Variants in LRRC4C observed in about 807,000 individuals in gnomAD.
The protein encoded by LRRC4C is leucine rich repeat containing 4C.
LRRC4C carries 5 observed loss-of-function variants against 33.6 expected under a neutral mutation model. The observed-to-expected ratio is 0.15, with a 90% CI of 0.08 to 0.31. The LOEUF is 0.31. Ranked by LOEUF, LRRC4C falls within the 10% of genes least tolerant of loss-of-function variation. The pLI is 1.00. For synonymous variants in LRRC4C, 329 were observed against 302.0 expected, an observed-to-expected ratio of 1.09 and a Z score of -0.93; for missense variants, 560 against 796.7, an observed-to-expected ratio of 0.70 and a Z score of 3.58.
chr11:40,160,916 G>A (rs56870191), intron 5 of LRRC4C, among the ~76,000 whole-genome samples: 5 of 152,280 alleles, frequency 3.3e-5, no homozygotes, highest in Non-Finnish European at 7.4e-5. Flanking sequence ...AACCAGCCAC[G>A]TCCATGCCTC....
chr11:40,602,226 A>T (rs1156314459), intron 3 of LRRC4C, among the ~76,000 whole-genome samples: 1 of 149,726 alleles, frequency 6.7e-6, no homozygotes, highest in Non-Finnish European at 1.5e-5. Context: ...AAAAAGAGGT[A>T]TGTGAACTAA....
intron 1 of LRRC4C, among the ~76,000 whole-genome samples, chr11:41,078,543 A>G (rs995795928): frequency 6.6e-6 from 1 of 152,192 alleles, no homozygotes; most frequent in African/African-American, 2.4e-5. Context: ...AGGTCTCACA[A>G]TGGCAGGGCA....
At chr11:40,869,668 C>T in intron 2 of LRRC4C, among the ~76,000 whole-genome samples, 1 of 152,214 alleles carries the variant, frequency 6.6e-6, no homozygotes. Context: ...TGCTCACCTC[C>T]CACACACTAG....
intron 3 of LRRC4C, among the ~76,000 whole-genome samples, chr11:40,487,646 A>G (rs1157603658): frequency 6.6e-6 from 1 of 152,070 alleles, no homozygotes; most frequent in Non-Finnish European, 1.5e-5. Context: ...TAATTGTGAG[A>G]AGTGGATTTC....
chr11:40,608,169 G>A (rs1053407301), intron 3 of LRRC4C, among the ~76,000 whole-genome samples: 2 of 152,078 alleles, frequency 1.3e-5, no homozygotes, highest in South Asian at 4.1e-4. Context: ...AAAAATAAAA[G>A]AATACACATT....
intron 3 of LRRC4C, among the ~76,000 whole-genome samples, chr11:40,588,848 G>T (rs1335764250): frequency 6.6e-6 from 1 of 150,818 alleles, no homozygotes; most frequent in Non-Finnish European, 1.5e-5. Flanking sequence ...GAGATAGTTT[G>T]TTATAGTTTC....
intron 1 of LRRC4C, among the ~76,000 whole-genome samples, chr11:41,208,080 C>A (rs939270483): frequency 2.0e-5 from 3 of 152,032 alleles, no homozygotes; most frequent in Non-Finnish European, 4.4e-5. Context: ...ACATGTATCA[C>A]TAGGAACAGA....
chr11:40,122,967 A>ACACACC (rs1460812833), intron 6 of LRRC4C, among the ~76,000 whole-genome samples: 13 of 139,078 alleles, frequency 9.3e-5, no homozygotes, highest in African/African-American at 2.8e-4. Context: ...ACACACACAC[A>ACACACC]CACACACACA....
intron 6 of LRRC4C, among the ~76,000 whole-genome samples, chr11:40,133,560 T>C (rs1011169935): frequency 6.6e-6 from 1 of 152,220 alleles, no homozygotes; most frequent in Non-Finnish European, 1.5e-5. Context: ...ATTCTAAGTA[T>C]ATTCTCTAAC....
intron 3 of LRRC4C, among the ~76,000 whole-genome samples, chr11:40,420,756 A>G (rs1256490689): frequency 6.6e-6 from 1 of 152,222 alleles, no homozygotes; most frequent in African/African-American, 2.4e-5. Flanking sequence ...TGTTGGAGCC[A>G]GAATTTTGAG....
At chr11:40,254,286 G>A (rs143432254) in intron 4 of LRRC4C, among the ~76,000 whole-genome samples, 315 of 152,318 alleles carry the variant, frequency 2.1e-3, no homozygotes, top group African/African-American at 7.3e-3. Flanking sequence ...TAAAATGAGT[G>A]CTTAAAAGTA....
chr11:40,787,258 A>T (rs1182710014), intron 2 of LRRC4C, among the ~76,000 whole-genome samples: 1 of 146,988 alleles, frequency 6.8e-6, no homozygotes, highest in Non-Finnish European at 1.5e-5. Flanking sequence ...GTTAATTGCC[A>T]ACTGGGGGGG....
chr11:40,341,557 G>C (rs1946867577), intron 3 of LRRC4C, among the ~76,000 whole-genome samples: 1 of 151,956 alleles, frequency 6.6e-6, no homozygotes, highest in South Asian at 2.1e-4. Flanking sequence ...GGGAGGGGGA[G>C]GGATAGCATT....
At chr11:41,397,300 T>C (rs919088358) in intron 1 of LRRC4C, among the ~76,000 whole-genome samples, 1 of 152,034 alleles carries the variant, frequency 6.6e-6, no homozygotes. Flanking sequence ...TTGCCACCAC[T>C]GAAACATCAA....
At chr11:40,152,501 C>G (rs1018937213) in intron 5 of LRRC4C, among the ~76,000 whole-genome samples, 11 of 152,162 alleles carry the variant, frequency 7.2e-5, no homozygotes, top group African/African-American at 2.7e-4. Flanking sequence ...AGGGGAAGAA[C>G]TAAAGCCATT....
chr11:41,120,853 A>T (rs994553594), intron 1 of LRRC4C, among the ~76,000 whole-genome samples: 1 of 152,058 alleles, frequency 6.6e-6, no homozygotes, highest in Non-Finnish European at 1.5e-5. Flanking sequence ...TGAGTGAGTT[A>T]TCATGAAATC....
In LRRC4C at chr11:40,157,254, T is replaced by G. The variant is rs1452826624; in HGVS notation, c.-95-16401A>C. Among the ~76,000 whole-genome samples, 4 of 152,040 alleles carry G rather than the reference T, an allele frequency of 2.6e-5. No individual in the cohort carries two copies. In the South Asian group the frequency reaches 6.2e-4, roughly 24 times the overall value. On this transcript the variant is annotated intron_variant, in intron 5 of 6. Transcript: ENST00000528697. The stretch of plus-strand genomic sequence containing the variant: ...CCTCATCTCTCACCTTATACAAAAA[T>G]CAACACAAGTTGGATTAAAGACTTA...
intron 5 of LRRC4C, among the ~76,000 whole-genome samples, chr11:40,197,131 T>G (rs1862326521): frequency 6.6e-6 from 1 of 152,178 alleles, no homozygotes; most frequent in Non-Finnish European, 1.5e-5. Flanking sequence ...ATACAAGCTA[T>G]AGGATTGATT....
intron 1 of LRRC4C, among the ~76,000 whole-genome samples, chr11:41,075,976 A>G (rs1939120050): frequency 2.0e-4 from 1 of 4,944 alleles, no homozygotes; most frequent in Non-Finnish European, 4.4e-3. Flanking sequence ...CTATACATTC[A>G]TTGTCTATTT....
Sources: allele counts gnomAD v4.1 joint callset (sites outside exome capture counted in the v4.1 genomes callset), GRCh38; gene constraint gnomAD v4.1.1; transcripts MANE v1.5; gene names NCBI Gene and HGNC (gene_info 2026-07-23, HGNC 2026-07-21).